Variants in SRD5A1 observed in about 807,000 individuals in gnomAD.
The protein encoded by SRD5A1 is 3-oxo-5-alpha-steroid 4-dehydrogenase 1.
Under a neutral mutation model 28.2 loss-of-function variants are expected in SRD5A1, and 22 were observed. The observed-to-expected ratio is 0.78, with a 90% CI of 0.56 to 1.12. SRD5A1 has a LOEUF of 1.12. Ranked by LOEUF, SRD5A1 falls within the 50% of genes most tolerant of loss-of-function variation. The probability of loss-of-function intolerance (pLI) is 0.00; values close to 1 mark genes in which losing one functional copy is unlikely to be tolerated. For missense variants in SRD5A1, 300 were observed against 346.7 expected, an observed-to-expected ratio of 0.87 and a Z score of 1.07; for synonymous variants, 151 against 135.0, an observed-to-expected ratio of 1.12 and a Z score of -0.82.
At chr5:6,665,363 GC>G (rs1437451220) in intron 4 of SRD5A1, among the ~76,000 whole-genome samples, 1 of 152,240 alleles carries the variant, frequency 6.6e-6, no homozygotes, top group Non-Finnish European at 1.5e-5. Context: ...TGTTCTAGCA[GC>G]CACAGGGAAC....
intron 2 of SRD5A1, chr5:6,653,532 A>T (rs1738748080): frequency 1.3e-5 from 2 of 152,206 alleles, no homozygotes; most frequent in Admixed American, 1.3e-4. Flanking sequence ...TGTCCCTAAG[A>T]TGTGAAAGGT....
chr5:6,649,546 A>G (rs1001475709), intron 1 of SRD5A1, among the ~76,000 whole-genome samples: 1 of 152,208 alleles, frequency 6.6e-6, no homozygotes, highest in African/African-American at 2.4e-5. Context: ...TCTGGGCTCC[A>G]TCGGCATGGG....
chr5:6,637,126 C>T (rs1738208938), intron 1 of SRD5A1, among the ~76,000 whole-genome samples: 1 of 152,100 alleles, frequency 6.6e-6, no homozygotes, highest in Non-Finnish European at 1.5e-5. Flanking sequence ...TCACTGGGGC[C>T]CTAGTCATGT....
intron 4 of SRD5A1, among the ~76,000 whole-genome samples, chr5:6,665,132 T>G (rs1455305930): frequency 6.6e-6 from 1 of 151,858 alleles, no homozygotes; most frequent in Non-Finnish European, 1.5e-5. Flanking sequence ...TCACACAGAG[T>G]GGGAAGGCCA....
intron 3 of SRD5A1, among the ~76,000 whole-genome samples, chr5:6,660,212 T>C (rs1448640411): frequency 1.3e-5 from 2 of 152,272 alleles, no homozygotes; most frequent in Non-Finnish European, 2.9e-5. Context: ...GTAAGCAGCC[T>C]GTGTCTCAAG....
At chr5:6,642,516 C>T (rs1738394931) in intron 1 of SRD5A1, among the ~76,000 whole-genome samples, 1 of 152,202 alleles carries the variant, frequency 6.6e-6, no homozygotes, top group African/African-American at 2.4e-5. Flanking sequence ...ACTGCAAACT[C>T]ATGTGAGCAT....
chr5:6,636,704 G>T (rs1257820343), intron 1 of SRD5A1, among the ~76,000 whole-genome samples: 1 of 152,184 alleles, frequency 6.6e-6, no homozygotes, highest in Non-Finnish European at 1.5e-5. Flanking sequence ...GTGAAGGAAG[G>T]GATAGAGGGA....
At chr5:6,666,799 G>A (rs1056383194) in intron 4 of SRD5A1, among the ~76,000 whole-genome samples, 3 of 151,562 alleles carry the variant, frequency 2.0e-5, no homozygotes, top group Non-Finnish European at 2.9e-5. Context: ...CCAGCCTGGT[G>A]GGGGGGCGCG....
rs1738942198 is a variant in SRD5A1 at position 6,659,560 on chromosome 5, C to T, written c.563-3256C>T. Among the ~76,000 whole-genome samples the T allele has an allele frequency of 3.9e-5, 6 of 152,176 alleles. No individual in the cohort carries two copies. The South Asian group carries it at 1.2e-3, about 32-fold the overall frequency. On this transcript the variant is annotated intron_variant, in intron 3 of 4. Transcript: ENST00000274192. ...TATTTTAAAAACTAATTCAAGAAAG[C>T]TTTTGTGAAGTAAAACAAGACACAA...
At position 6,668,406 on chromosome 5, in the gene SRD5A1, A is replaced by G. The variant is rs1371611908; in HGVS notation, c.*138A>G. The G allele has an allele frequency of 1.8e-6, 1 of 545,216 alleles. No homozygotes were observed. The highest frequency in any genetic ancestry group is 2.0e-5 in the African/African-American group (1 of 50,608). 33.8% of individuals were successfully genotyped at this position (545,216 alleles called of 1,614,324 possible). Reference sequence around the variant, plus strand: ...GATGTCCTCTAGGAATTTTTTTTCTAGTAATTTTGCAATCTACCTAATAAG... The same window carrying G: ...GATGTCCTCTAGGAATTTTTTTTCTGGTAATTTTGCAATCTACCTAATAAG... On this transcript the variant is annotated 3_prime_UTR_variant, in exon 5 of 5. Coordinates refer to ENST00000274192, the MANE Select transcript of SRD5A1 (RefSeq NM_001047.4).
intron 1 of SRD5A1, among the ~76,000 whole-genome samples, chr5:6,639,711 C>A (rs1291914392): frequency 3.3e-5 from 5 of 152,184 alleles, no homozygotes; most frequent in African/African-American, 4.8e-5. Flanking sequence ...AATTGAATTT[C>A]TCCGTGTCTC....
chr5:6,644,907 A>G (rs1405541686), intron 1 of SRD5A1: 1 of 456,050 alleles, frequency 2.2e-6, no homozygotes, highest in Non-Finnish European at 4.4e-6. Flanking sequence ...TCCAAGACGC[A>G]GAGAGAAATT....
At chr5:6,641,503 C>G (rs1738360602) in intron 1 of SRD5A1, among the ~76,000 whole-genome samples, 2 of 152,164 alleles carry the variant, frequency 1.3e-5, no homozygotes, top group African/African-American at 4.8e-5. Context: ...GAAGATCTCA[C>G]CTTCTCCTAG....
At chr5:6,645,234 T>G in intron 1 of SRD5A1, 1 of 305,582 alleles carries the variant, frequency 3.3e-6, no homozygotes, top group Non-Finnish European at 6.4e-6. Context: ...TAATGACTAA[T>G]TATGACTTTA....
Position 6,633,543 on chromosome 5 carries a change from T to C in SRD5A1, c.-34T>C. ...GCCCTATATGTTGCCCGCCGCGGCC[T>C]CTGGGGCATGGAGCACGCTGCCCAG... On this transcript the variant is annotated 5_prime_UTR_variant, in exon 1 of 5. Coordinates refer to ENST00000274192, the MANE Select transcript of SRD5A1 (RefSeq NM_001047.4). 6.9e-7 allele frequency: 1 copy of C among 1,457,318 alleles called. No individual in the cohort carries two copies. The highest frequency in any genetic ancestry group is 1.5e-5 in the African/African-American group (1 of 67,472). 90.3% of individuals were successfully genotyped at this position (1,457,318 alleles called of 1,614,324 possible).
chr5:6,658,988 A>C (rs1053148882), intron 3 of SRD5A1, among the ~76,000 whole-genome samples: 2 of 151,880 alleles, frequency 1.3e-5, no homozygotes, highest in Non-Finnish European at 2.9e-5. Context: ...ATGGTGGTGC[A>C]CACCTGTAGT....
intron 1 of SRD5A1, among the ~76,000 whole-genome samples, chr5:6,637,705 T>A (rs976824181): frequency 6.6e-6 from 1 of 152,078 alleles, no homozygotes; most frequent in African/African-American, 2.4e-5. Flanking sequence ...GCCACGGGAG[T>A]CCTCAGTGAC....
chr5:6,651,338 T>C (rs1738667126), intron 1 of SRD5A1, among the ~76,000 whole-genome samples: 1 of 152,210 alleles, frequency 6.6e-6, no homozygotes, highest in Admixed American at 6.5e-5. Context: ...TAAACATGAT[T>C]GAAACGTGGT....
intron 4 of SRD5A1, among the ~76,000 whole-genome samples, chr5:6,664,717 T>A (rs1739110032): frequency 6.6e-6 from 1 of 152,276 alleles, no homozygotes; most frequent in African/African-American, 2.4e-5. Context: ...CTTTGTCTAA[T>A]ACTTGAAGAA....
Sources: allele counts gnomAD v4.1 joint callset (sites outside exome capture counted in the v4.1 genomes callset), GRCh38; gene constraint gnomAD v4.1.1; transcripts MANE v1.5; gene names NCBI Gene and HGNC (gene_info 2026-07-23, HGNC 2026-07-21).